The following PDZD2 variants were observed in gnomAD, a reference collection of about 807,000 sequenced individuals.
The protein encoded by PDZD2 is PDZ domain-containing protein 2.
Under a neutral mutation model 220.7 loss-of-function variants are expected in PDZD2, and 90 were observed. The observed-to-expected ratio is 0.41, with a 90% CI of 0.34 to 0.49. The LOEUF is 0.49. Among genes scored for constraint, PDZD2 ranks in the 20% least tolerant of loss-of-function variants. PDZD2 has a pLI of 0.28. For missense variants in PDZD2, 3,174 were observed against 3,608.5 expected (o/e 0.88, Z 3.08); for synonymous variants, 1,375 against 1,450.5 (o/e 0.95, Z 1.18).
At chr5:31,859,176 C>T (rs1449460503) in intron 2 of PDZD2, among the ~76,000 whole-genome samples, 1 of 152,068 alleles carries the variant, frequency 6.6e-6, no homozygotes, top group East Asian at 1.9e-4. Flanking sequence ...CTCCCTCCCC[C>T]AAACTATCCT....
At chr5:32,021,432 G>A (rs774057598) in intron 6 of PDZD2, among the ~76,000 whole-genome samples, 7 of 152,044 alleles carry the variant, frequency 4.6e-5, no homozygotes, top group Non-Finnish European at 7.4e-5. Flanking sequence ...GAGTAGCTGG[G>A]ATTACAGGCA....
intron 2 of PDZD2, among the ~76,000 whole-genome samples, chr5:31,870,207 G>A (rs976140057): frequency 4.6e-5 from 7 of 152,044 alleles, no homozygotes; most frequent in African/African-American, 1.2e-4. Flanking sequence ...AGGGAAAAGG[G>A]CATTTGAGAG....
At chr5:31,948,335 G>T (rs1746841430) in intron 2 of PDZD2, among the ~76,000 whole-genome samples, 1 of 152,164 alleles carries the variant, frequency 6.6e-6, no homozygotes, top group Non-Finnish European at 1.5e-5. Flanking sequence ...CGTAGATGGT[G>T]CAGATGCTCC....
Position 32,089,598 on chromosome 5 carries a change from C to A in PDZD2, c.6150C>A (p.Asn2050Lys), listed in dbSNP as rs200324314. The A allele has an allele frequency of 5.5e-5, 89 of 1,612,534 alleles. 1 individual carries two copies. The highest frequency in any genetic ancestry group is 7.3e-5 in the Non-Finnish European group (86 of 1,179,960). The change falls in exon 20 of 25, where the codon AAC becomes AAA. Residue 2050 changes from asparagine to lysine, a missense_variant. This residue lies in a region of PDZD2 where 1,861 missense variants were observed against 2,001.0 expected (regional missense o/e 0.93). Coordinates refer to ENST00000438447, the MANE Select transcript of PDZD2 (RefSeq NM_178140.4). ...GGAACGGCATGTCCGTGGCAGGGAA[C>A]AGACAGAGTGAGCCGCGCCTGGCCA... ...ASRNGMSVAG[N>K]RQSEPRLASH...
chr5:32,104,182 C>T (rs1026205024), intron 24 of PDZD2, among the ~76,000 whole-genome samples: 11 of 151,888 alleles, frequency 7.2e-5, no homozygotes, highest in African/African-American at 1.9e-4. Context: ...CTAAGGCAGG[C>T]GAATCACTTG....
At chr5:32,079,118 G>A (rs1327845874) in intron 19 of PDZD2, among the ~76,000 whole-genome samples, 2 of 151,512 alleles carry the variant, frequency 1.3e-5, no homozygotes, top group Admixed American at 6.6e-5. Flanking sequence ...AAATTAGCGG[G>A]TGTTGTGGTG....
At chr5:31,781,003 C>T (rs1396799445) in intron 1 of PDZD2, among the ~76,000 whole-genome samples, 17 of 152,330 alleles carry the variant, frequency 1.1e-4, no homozygotes, top group Middle Eastern at 3.4e-3. Flanking sequence ...GTCACCTGCT[C>T]ATTCCTGAAA....
chr5:31,686,972 G>A (rs2150125969), intron 1 of PDZD2, among the ~76,000 whole-genome samples: 1 of 152,280 alleles, frequency 6.6e-6, no homozygotes, highest in East Asian at 1.9e-4. Context: ...CATGCGTGCA[G>A]GGCTGTGGAG....
intron 1 of PDZD2, among the ~76,000 whole-genome samples, chr5:31,654,052 G>T (rs1580521245): frequency 6.6e-6 from 1 of 152,276 alleles, no homozygotes; most frequent in South Asian, 2.1e-4. Context: ...CCAAAGTGCT[G>T]GGATTACAGG....
chr5:32,056,987 A>T (rs150633602), intron 10 of PDZD2, among the ~76,000 whole-genome samples: 15 of 152,162 alleles, frequency 9.9e-5, no homozygotes, highest in Admixed American at 9.8e-4. Flanking sequence ...CCAGCTATTC[A>T]GGAGGCTGAG....
chr5:31,689,353 A>ATATTTTTTTTTT lies in PDZD2; in HGVS notation c.-361+49917_-361+49918insATTTTTTTTTTT. On this transcript the variant is annotated intron_variant, in intron 1 of 24. Coordinates refer to ENST00000438447, the MANE Select transcript of PDZD2 (RefSeq NM_178140.4). ...TACATATACATATATATATATATAT[A>ATATTTTTTTTTT]TTTTTTTTTTTTTTTTTTTTAAGTC... is the stretch of plus-strand genomic sequence containing the variant. 9.6e-3 allele frequency among the ~76,000 whole-genome samples: 337 copies of ATATTTTTTTTTT among 35,120 alleles called. 20 individuals carry two copies. Among genetic ancestry groups the ATATTTTTTTTTT allele is most frequent in the East Asian group, 0.024 (13 of 540 alleles). The allele number at this position is 35,120 out of a possible 152,430, so 23.0% of individuals were successfully genotyped here. A position where few individuals can be genotyped will look rare whatever the true frequency, so the allele number is the denominator to read the frequency against.
intron 21 of PDZD2, among the ~76,000 whole-genome samples, chr5:32,093,828 A>G (rs1185127333): frequency 6.6e-6 from 1 of 152,066 alleles, no homozygotes; most frequent in African/African-American, 2.4e-5. Flanking sequence ...AAATACAAAA[A>G]TTAGCTGGAC....
intron 2 of PDZD2, among the ~76,000 whole-genome samples, chr5:31,826,932 A>C (rs907211093): frequency 6.6e-6 from 1 of 152,136 alleles, no homozygotes; most frequent in African/African-American, 2.4e-5. Flanking sequence ...ACCTGCCTCC[A>C]AGACCTGAGT....
chr5:31,752,746 C>G (rs1561432291), intron 1 of PDZD2, among the ~76,000 whole-genome samples: 1 of 152,138 alleles, frequency 6.6e-6, no homozygotes, highest in South Asian at 2.1e-4. Context: ...TTCTTATTTA[C>G]TTGTCAAGAT....
At chr5:31,641,733 G>A (rs1403800478) in intron 1 of PDZD2, among the ~76,000 whole-genome samples, 2 of 151,958 alleles carry the variant, frequency 1.3e-5, no homozygotes, top group East Asian at 3.9e-4. Context: ...AAGTGATCCT[G>A]GTGTCTTGGT....
chr5:32,008,598 T>C (rs750655505), intron 5 of PDZD2, among the ~76,000 whole-genome samples: 6 of 152,114 alleles, frequency 3.9e-5, no homozygotes, highest in Admixed American at 2.0e-4. Flanking sequence ...TGAATCTCTT[T>C]CTAATGAGCA....
intron 2 of PDZD2, among the ~76,000 whole-genome samples, chr5:31,857,947 C>T (rs1298838034): frequency 6.6e-6 from 1 of 152,168 alleles, no homozygotes; most frequent in Non-Finnish European, 1.5e-5. Context: ...CTGCCTCACA[C>T]CCCGAGTAAT....
Position 32,097,382 on chromosome 5 carries a change from T to A in PDZD2, c.7947+2T>A. The A allele has an allele frequency of 6.3e-7, 1 of 1,575,408 alleles. No homozygotes were observed. The highest frequency in any genetic ancestry group is 8.7e-7 in the Non-Finnish European group (1 of 1,144,678). Reference sequence around the variant, plus strand: ...GATGTGGAGCCAAAATCAATCACGGTAAGTGACAGAGTCATTAGGCTCTCA... The same window carrying A: ...GATGTGGAGCCAAAATCAATCACGGAAAGTGACAGAGTCATTAGGCTCTCA... On this transcript the variant is annotated splice_donor_variant, in intron 22 of 24. Transcript: ENST00000438447. LOFTEE classifies it high-confidence loss of function.
chr5:31,932,979 C>T (rs1199918832), intron 2 of PDZD2, among the ~76,000 whole-genome samples: 3 of 151,704 alleles, frequency 2.0e-5, no homozygotes, highest in East Asian at 1.9e-4. Context: ...GGTGCAATCT[C>T]GGCTCACTGC....
Sources: gnomAD v4.1 joint callset for allele counts (sites outside exome capture counted in the v4.1 genomes callset) on GRCh38, gnomAD v4.1.1 for gene constraint, gnomAD v4.1.1 regional missense constraint, MANE v1.5 for transcripts, NCBI Gene and HGNC (gene_info 2026-07-23, HGNC 2026-07-21) for gene names.